ATP8A1: variants seen among roughly 807,000 people sequenced by gnomAD.
ATP8A1 encodes phospholipid-transporting ATPase IA.
A neutral mutation model predicts 177.7 loss-of-function variants in ATP8A1; 90 were observed. The observed-to-expected ratio is 0.51, with a 90% CI of 0.43 to 0.60. The LOEUF (loss-of-function observed/expected upper bound fraction) is 0.60. Ranked by LOEUF, ATP8A1 falls within the 20% of genes least tolerant of loss-of-function variation. ATP8A1 has a pLI of 0.00. For synonymous variants in ATP8A1, 493 were observed against 485.9 expected, an observed-to-expected ratio of 1.01 and a Z score of -0.19; for missense variants, 1,072 against 1,392.8, an observed-to-expected ratio of 0.77 and a Z score of 3.67.
chr4:42,576,909 G>T (rs1349431341), intron 12 of ATP8A1, among the ~76,000 whole-genome samples: 1 of 152,212 alleles, frequency 6.6e-6, no homozygotes, highest in Non-Finnish European at 1.5e-5. Context: ...GCTGAGTTCA[G>T]ATATTTTGCA....
chr4:42,566,266 T>C (rs1339531388), intron 15 of ATP8A1, among the ~76,000 whole-genome samples: 5 of 152,212 alleles, frequency 3.3e-5, no homozygotes, highest in Non-Finnish European at 5.9e-5. Flanking sequence ...GGCAGTAAAA[T>C]ACACATAAGC....
intron 20 of ATP8A1, among the ~76,000 whole-genome samples, chr4:42,537,837 A>C (rs1728001323): frequency 6.6e-6 from 1 of 152,202 alleles, no homozygotes. Context: ...CATCCTGCTA[A>C]AAGCAATCTA....
At chr4:42,549,343 G>A (rs1729256102) in intron 18 of ATP8A1, among the ~76,000 whole-genome samples, 1 of 152,166 alleles carries the variant, frequency 6.6e-6, no homozygotes, top group South Asian at 2.1e-4. Context: ...CAAAAGGGAT[G>A]TCGTAAGGAA....
intron 5 of ATP8A1, among the ~76,000 whole-genome samples, chr4:42,610,569 GCTC>G (rs1736262556): frequency 7.1e-6 from 1 of 141,152 alleles, no homozygotes; most frequent in Non-Finnish European, 1.6e-5. Flanking sequence ...AATGGGTTTT[GCTC>G]CTTTGTGTGC....
intron 6 of ATP8A1, among the ~76,000 whole-genome samples, chr4:42,600,253 G>GA (rs1029390923): frequency 4.6e-5 from 7 of 151,732 alleles, no homozygotes; most frequent in Non-Finnish European, 1.0e-4. Context: ...AATATACTAT[G>GA]AAAAAAACAA....
intron 4 of ATP8A1, 131 bp from the exon 5 acceptor site, chr4:42,616,209 T>C: frequency 1.3e-6 from 1 of 762,948 alleles, no homozygotes; most frequent in Non-Finnish European, 2.1e-6. Context: ...CATGTCAATG[T>C]TAAAGTATAC....
At chr4:42,594,704 A>G (rs964061587) in intron 6 of ATP8A1, among the ~76,000 whole-genome samples, 3 of 152,116 alleles carry the variant, frequency 2.0e-5, no homozygotes, top group Middle Eastern at 3.2e-3. Flanking sequence ...GAAAATCTCA[A>G]TGCAACTGGA....
At chr4:42,458,552 T>C (rs1718734467) in intron 27 of ATP8A1, among the ~76,000 whole-genome samples, 1 of 152,194 alleles carries the variant, frequency 6.6e-6, no homozygotes, top group Admixed American at 6.5e-5. Context: ...CTAGAGCTGC[T>C]CCTGGGCAGC....
intron 16 of ATP8A1, among the ~76,000 whole-genome samples, chr4:42,553,659 T>C (rs17593107): frequency 0.28 from 43,223 of 151,964 alleles, 6,866 homozygotes; most frequent in East Asian, 0.52. Context: ...TAGGGAGATA[T>C]ATCAGAACAT....
At chr4:42,559,491 T>C (rs934018029) in intron 15 of ATP8A1, among the ~76,000 whole-genome samples, 36 of 152,200 alleles carry the variant, frequency 2.4e-4, no homozygotes, top group Non-Finnish European at 4.7e-4. Context: ...GCTGTTGTAA[T>C]TGTAGGAAAA....
At chr4:42,645,115 ATAAAC>A (rs759962360) in intron 1 of ATP8A1, among the ~76,000 whole-genome samples, 2 of 152,220 alleles carry the variant, frequency 1.3e-5, no homozygotes, top group Non-Finnish European at 2.9e-5. Flanking sequence ...CCAGCTAAAA[ATAAAC>A]TAAATGTGTT....
At chr4:42,567,240 T>C (rs1731444441) in intron 15 of ATP8A1, among the ~76,000 whole-genome samples, 1 of 152,194 alleles carries the variant, frequency 6.6e-6, no homozygotes, top group Non-Finnish European at 1.5e-5. Context: ...CAAGTATATA[T>C]TTAAAATAAA....
At chr4:42,596,670 A>T (rs1734750669) in intron 6 of ATP8A1, among the ~76,000 whole-genome samples, 1 of 150,906 alleles carries the variant, frequency 6.6e-6, no homozygotes, top group Admixed American at 6.6e-5. Context: ...CCATCTCAAA[A>T]AAAAAAAAAA....
intron 19 of ATP8A1, among the ~76,000 whole-genome samples, chr4:42,546,339 C>G (rs926185636): frequency 1.3e-5 from 2 of 150,220 alleles, no homozygotes; most frequent in Admixed American, 6.7e-5. Context: ...GGACAAAAAA[C>G]CAAACATCAC....
chr4:42,573,917 C>G (rs1417710621), intron 14 of ATP8A1, among the ~76,000 whole-genome samples: 1 of 152,160 alleles, frequency 6.6e-6, no homozygotes, highest in Non-Finnish European at 1.5e-5. Flanking sequence ...CAATGTCAAC[C>G]AGCCAGGAGA....
Position 42,600,620 on chromosome 4 carries a change from C to T in ATP8A1, c.410-102G>A, listed in dbSNP as rs185507005. On this transcript the variant is annotated intron_variant, in intron 5 of 36. Transcript: ENST00000381668. The stretch of plus-strand genomic sequence containing the variant: ...AAACGAATAGCTTCAGTCAAAATAA[C>T]TAGTAGCAATTTTTATAGGTTAAAA... 73 of 1,042,514 alleles carry T rather than the reference C, an allele frequency of 7.0e-5. No individual in the cohort carries two copies. In the African/African-American group the frequency reaches 1.0e-3, roughly 15 times the overall value. The allele number at this position is 1,042,514 out of a possible 1,614,324, so 64.6% of individuals were successfully genotyped here. A position where few individuals can be genotyped will look rare whatever the true frequency, so the allele number is the denominator to read the frequency against.
In ATP8A1 at chr4:42,414,724, G is replaced by A. The variant is rs781091255; in HGVS notation, c.3306-6C>T. On this transcript the variant is annotated splice_polypyrimidine_tract_variant and splice_region_variant and intron_variant, in intron 35 of 36. Transcript: ENST00000381668. ...GTTGCGCCCTCTCGGTCAGGCTGCA[G>A]AGCAGGTGCAAATGTGTGAAATGAA... 1.9e-6 allele frequency: 3 copies of A among 1,612,494 alleles called. No individual in the cohort carries two copies. The South Asian group carries it at 3.3e-5, about 18-fold the overall frequency.
At chr4:42,500,908 G>A (rs557613244) in intron 24 of ATP8A1, among the ~76,000 whole-genome samples, 1 of 152,108 alleles carries the variant, frequency 6.6e-6, no homozygotes, top group Non-Finnish European at 1.5e-5. Context: ...GAAAAAATTA[G>A]AAAGCCCAGT....
At chr4:42,648,199 A>G (rs185913803) in intron 1 of ATP8A1, among the ~76,000 whole-genome samples, 4 of 152,326 alleles carry the variant, frequency 2.6e-5, no homozygotes, top group Admixed American at 2.6e-4. Context: ...ATGTACTCAT[A>G]AATTCTAGTA....
Sources: allele counts gnomAD v4.1 joint callset (sites outside exome capture counted in the v4.1 genomes callset), GRCh38; gene constraint gnomAD v4.1.1; transcripts MANE v1.5; gene names NCBI Gene and HGNC (gene_info 2026-07-23, HGNC 2026-07-21).